AIG1: variants seen among roughly 807,000 people sequenced by gnomAD.
AIG1 encodes the protein androgen-induced gene 1 protein.
AIG1 carries 23 observed loss-of-function variants against 31.4 expected under a neutral mutation model. The ratio of observed to expected loss-of-function variants is 0.73; its 90% CI spans 0.53 to 1.04. AIG1 has a LOEUF of 1.04. AIG1 is among the 50% of genes least tolerant of loss of function. The pLI, the probability that AIG1 is intolerant of heterozygous loss-of-function variation, is 0.00. For missense variants in AIG1, 274 were observed against 295.0 expected (o/e 0.93, Z 0.52); for synonymous variants, 100 against 110.5 (o/e 0.90, Z 0.60).
chr6:143,126,787 T>C (rs1236247857), intron 1 of AIG1, among the ~76,000 whole-genome samples: 1 of 152,190 alleles, frequency 6.6e-6, no homozygotes, highest in Non-Finnish European at 1.5e-5. Flanking sequence ...AATGTGCTAC[T>C]TTCATTTCTG....
rs1485757785 is a variant in AIG1, at chr6:143,258,084, T to G, written c.400-26026T>G. On this transcript the variant is annotated intron_variant, in intron 3 of 5. Coordinates refer to ENST00000357847, the MANE Select transcript of AIG1 (RefSeq NM_016108.4). The surrounding 1 kb of genome is among the most constrained non-coding windows in gnomAD (Gnocchi z 4.7). ...AACCTGATGCCCAGAGTCCTCCAAT[T>G]GAATCCATGGTATCAACAGTATTTG... Among the ~76,000 whole-genome samples the G allele has an allele frequency of 6.6e-6, 1 of 152,212 alleles. No individual in the cohort carries two copies. The highest frequency in any genetic ancestry group is 1.5e-5 in the Non-Finnish European group (1 of 68,036).
Position 143,258,917 on chromosome 6 carries a change from G to A in AIG1, c.400-25193G>A, listed in dbSNP as rs1478516274. Reference sequence around the variant, plus strand: ...GCAGTCAGACTCTTTTTAACAATCTGCTCTCATGGGAACCACATCCAAACC... The same window carrying A: ...GCAGTCAGACTCTTTTTAACAATCTACTCTCATGGGAACCACATCCAAACC... On this transcript the variant is annotated intron_variant, in intron 3 of 5. Coordinates refer to ENST00000357847, the MANE Select transcript of AIG1 (RefSeq NM_016108.4). This position sits in a 1 kb window ranked among gnomAD's most constrained non-coding sequence, Gnocchi z 4.7. Among the ~76,000 whole-genome samples the A allele has an allele frequency of 6.6e-6, 1 of 152,186 alleles. No homozygotes were observed. The highest frequency in any genetic ancestry group is 1.5e-5 in the Non-Finnish European group (1 of 68,036).
chr6:143,210,753 C>T (rs566756535), intron 3 of AIG1, among the ~76,000 whole-genome samples: 24 of 152,230 alleles, frequency 1.6e-4, no homozygotes, highest in Admixed American at 1.2e-3. Context: ...AGAGAAAATA[C>T]GTAGAGAGAA....
intron 3 of AIG1, among the ~76,000 whole-genome samples, chr6:143,210,926 A>G (rs1276751079): frequency 2.6e-5 from 4 of 152,212 alleles, no homozygotes; most frequent in Non-Finnish European, 4.4e-5. Context: ...TTTGAACACC[A>G]AAAAGGTAGA....
Position 143,339,631 on chromosome 6 carries a change from A to G in AIG1, c.680-8A>G. On this transcript the variant is annotated splice_region_variant and splice_polypyrimidine_tract_variant and intron_variant, in intron 5 of 5. Transcript: ENST00000357847. ...TGCTCAAATAAAACACTTTGCCTGT[A>G]TTTCTAGGTATGGAAGAAGAGAAAG... The G allele has an allele frequency of 6.2e-7, 1 of 1,613,012 alleles. No homozygotes were observed. Among genetic ancestry groups the G allele is most frequent in the Admixed American group, 1.7e-5 (1 of 59,894 alleles).
At chr6:143,169,160 A>G (rs920901357) in intron 3 of AIG1, among the ~76,000 whole-genome samples, 4 of 152,008 alleles carry the variant, frequency 2.6e-5, no homozygotes, top group African/African-American at 7.2e-5. Context: ...GCACTTCATT[A>G]GCTTTATTTG....
intron 3 of AIG1, among the ~76,000 whole-genome samples, chr6:143,246,853 T>C (rs555946794): frequency 1.1e-4 from 17 of 152,230 alleles, no homozygotes; most frequent in African/African-American, 3.9e-4. Flanking sequence ...GTTCAGGGGT[T>C]CCCAAAACAC....
intron 3 of AIG1, among the ~76,000 whole-genome samples, chr6:143,218,700 C>G (rs1792227346): frequency 6.6e-6 from 1 of 152,156 alleles, no homozygotes; most frequent in African/African-American, 2.4e-5. Flanking sequence ...ATGGGCGTCA[C>G]AGCACAAAGG....
At chr6:143,103,501 CTTTTTT>C (rs1173435325) in intron 1 of AIG1, among the ~76,000 whole-genome samples, 3 of 84,210 alleles carry the variant, frequency 3.6e-5, no homozygotes, top group South Asian at 4.8e-4. Context: ...CAGAAGTTTT[CTTTTTT>C]TTTTTTTTTT....
intron 3 of AIG1, among the ~76,000 whole-genome samples, chr6:143,242,416 AT>A (rs1466803447): frequency 6.6e-6 from 1 of 152,262 alleles, no homozygotes; most frequent in Admixed American, 6.5e-5. Flanking sequence ...CAGTTTTTAT[AT>A]GTAACTTTGT....
rs77185628 is a variant in AIG1, at chr6:143,195,954, G to A, written c.399+30771G>A. Among the ~76,000 whole-genome samples the A allele has an allele frequency of 6.0e-3, 914 of 152,332 alleles. 9 individuals are homozygous for A. The highest frequency in any genetic ancestry group is 0.021 in the African/African-American group (872 of 41,574). ...ATGGCTTCATCTTTTACTTGATCCC[G>A]AAGCAAGGGCAGATTGAGAAGCAGA... On this transcript the variant is annotated intron_variant, in intron 3 of 5. Transcript: ENST00000357847.
chr6:143,191,180 C>A (rs1360652443), intron 3 of AIG1, among the ~76,000 whole-genome samples: 1 of 152,150 alleles, frequency 6.6e-6, no homozygotes, highest in Non-Finnish European at 1.5e-5. Context: ...TCTGCATAAT[C>A]ACGCACACTT....
At chr6:143,128,897 T>G (rs1782941988) in intron 1 of AIG1, among the ~76,000 whole-genome samples, 1 of 152,218 alleles carries the variant, frequency 6.6e-6, no homozygotes, top group African/African-American at 2.4e-5. Context: ...ATAGACTGTT[T>G]CATCATTTTT....
intron 5 of AIG1, chr6:143,339,317 G>C (rs1323835899): frequency 1.0e-5 from 2 of 191,906 alleles, no homozygotes; most frequent in East Asian, 1.3e-4. Context: ...GTCTAGCTGG[G>C]ATTTCCATGC....
Position 143,256,031 on chromosome 6 carries a change from A to C in AIG1, c.400-28079A>C, listed in dbSNP as rs1321255820. Among the ~76,000 whole-genome samples the C allele has an allele frequency of 6.6e-6, 1 of 152,182 alleles. No individual in the cohort carries two copies. The highest frequency in any genetic ancestry group is 2.4e-5 in the African/African-American group (1 of 41,452). ...TATTTTCATTATTGTACAGTTTTGG[A>C]GTCTTCCTTTACAAATGGTGGCTTA... On this transcript the variant is annotated intron_variant, in intron 3 of 5. Coordinates refer to ENST00000357847, the MANE Select transcript of AIG1 (RefSeq NM_016108.4). This position sits in a 1 kb window ranked among gnomAD's most constrained non-coding sequence, Gnocchi z 4.6.
chr6:143,116,183 T>C (rs984392853), intron 1 of AIG1, among the ~76,000 whole-genome samples: 1 of 152,182 alleles, frequency 6.6e-6, no homozygotes, highest in African/African-American at 2.4e-5. Flanking sequence ...GAGGTGAAAG[T>C]AAGTAATGAT....
chr6:143,128,294 C>T (rs1379423014), intron 1 of AIG1, among the ~76,000 whole-genome samples: 2 of 152,068 alleles, frequency 1.3e-5, no homozygotes, highest in African/African-American at 4.8e-5. Context: ...GCTATGATTT[C>T]CTGACAGGGA....
intron 1 of AIG1, among the ~76,000 whole-genome samples, chr6:143,083,762 T>C (rs922162284): frequency 4.6e-5 from 7 of 152,138 alleles, no homozygotes; most frequent in Non-Finnish European, 1.0e-4. Flanking sequence ...GGCAGAATCC[T>C]TTAGTTTAAC....
chr6:143,070,969 C>T (rs1777191427), intron 1 of AIG1, among the ~76,000 whole-genome samples: 1 of 152,186 alleles, frequency 6.6e-6, no homozygotes, highest in Non-Finnish European at 1.5e-5. Flanking sequence ...CCAGTGGTTA[C>T]ACCTTGCAAA....
Sources: allele counts gnomAD v4.1 joint callset (sites outside exome capture counted in the v4.1 genomes callset), GRCh38; gene constraint gnomAD v4.1.1; non-coding constraint Gnocchi (gnomAD v3.1); transcripts MANE v1.5; gene names NCBI Gene and HGNC (gene_info 2026-07-23, HGNC 2026-07-21).